Variants in HSPA4 observed in about 807,000 individuals in gnomAD.
HSPA4 encodes the protein heat shock protein family A (Hsp70) member 4.
A neutral mutation model predicts 106.2 loss-of-function variants in HSPA4; 25 were observed. That is an observed-to-expected ratio of 0.24 (90% CI 0.17 to 0.33). The LOEUF is 0.33. Among genes scored for constraint, HSPA4 ranks in the 10% least tolerant of loss-of-function variants. HSPA4 has a pLI of 1.00. For synonymous variants in HSPA4, 332 were observed against 333.6 expected, an observed-to-expected ratio of 1.00 and a Z score of 0.05; for missense variants, 841 against 996.0, an observed-to-expected ratio of 0.84 and a Z score of 2.10.
At chr5:133,085,767 G>A (rs906153445) in intron 7 of HSPA4, among the ~76,000 whole-genome samples, 8 of 151,986 alleles carry the variant, frequency 5.3e-5, no homozygotes, top group Non-Finnish European at 1.2e-4. Flanking sequence ...GGAGCACAGG[G>A]AGGGATGAAT....
intron 1 of HSPA4, chr5:133,052,766 G>T: frequency 6.1e-6 from 1 of 163,972 alleles, no homozygotes; most frequent in Non-Finnish European, 1.3e-5. Flanking sequence ...CACAGCAGGC[G>T]CTTAATAATA....
chr5:133,101,664 C>G, intron 16 of HSPA4, 95 bp from the exon 17 acceptor site: 1 of 1,155,296 alleles, frequency 8.7e-7, no homozygotes, highest in Admixed American at 2.2e-5. Context: ...ATATATAGCA[C>G]ACGGAGATTA....
chr5:133,103,171 C>G, intron 17 of HSPA4, among the ~76,000 whole-genome samples: 1 of 151,594 alleles, frequency 6.6e-6, no homozygotes, highest in East Asian at 1.9e-4. Flanking sequence ...AAGTGACTGT[C>G]CTGTCTCAGC....
intron 1 of HSPA4, among the ~76,000 whole-genome samples, chr5:133,053,704 G>C (rs1223571427): frequency 6.6e-6 from 1 of 151,178 alleles, no homozygotes; most frequent in Non-Finnish European, 1.5e-5. Context: ...TGTCGCCCCA[G>C]GCTGGAGTGC....
Position 133,089,571 on chromosome 5 carries a change from A to C in HSPA4, c.1254A>C (p.Glu418Asp), listed in dbSNP as rs1421689196. 1 of 1,613,062 alleles carries C rather than the reference A, an allele frequency of 6.2e-7. No individual in the cohort carries two copies. The highest frequency in any genetic ancestry group is 8.5e-7 in the Non-Finnish European group (1 of 1,179,540). ...SPAEEGSSDC[E>D]VFSKNHAAPF... ...TTTTTCCTCCATTCAGTGACTGTGA[A>C]GTCTTTTCCAAAAATCATGCTGCTC... The change falls in exon 11 of 19, where the codon GAA becomes GAC. Residue 418 changes from glutamate (E) to aspartate (D), a missense_variant. Around this residue, in one of 5 missense-constraint regions of HSPA4, gnomAD observed 162 missense variants for 177.7 expected, o/e 0.91. Transcript: ENST00000304858.
chr5:133,079,031 G>A (rs757813431), intron 7 of HSPA4, among the ~76,000 whole-genome samples: 3 of 152,130 alleles, frequency 2.0e-5, no homozygotes, highest in Non-Finnish European at 2.9e-5. Flanking sequence ...ACTGTGCCTG[G>A]CCCCCTTCAT....
chr5:133,098,138 A>C (rs1561586719), intron 15 of HSPA4, among the ~76,000 whole-genome samples: 1 of 152,000 alleles, frequency 6.6e-6, no homozygotes, highest in Non-Finnish European at 1.5e-5. Context: ...CTTAGCTCCT[A>C]CTTATAAGGG....
rs1156672246 is a variant in HSPA4 at position 133,053,343 on chromosome 5, T to TTTC, written c.107+988_107+989insCTT. Among the ~76,000 whole-genome samples, 44 of 149,220 alleles carry TTTC rather than the reference T, an allele frequency of 2.9e-4. 2 individuals are homozygous for TTTC. The highest frequency in any genetic ancestry group is 2.7e-3 in the Admixed American group (40 of 14,994). On this transcript the variant is annotated intron_variant, in intron 1 of 18. Transcript: ENST00000304858. ...GGTCTCTCTTCTTTTTTTTTTTTTT[T>TTTC]TTTTCTTTTTTGAGACAGACAGGGT... is the stretch of plus-strand genomic sequence containing the variant.
At position 133,097,223 on chromosome 5, in the gene HSPA4, G is replaced by A. The variant is rs780916180; in HGVS notation, c.1866G>A (p.Glu622=). Residue 622 remains glutamate, a synonymous_variant, in exon 15 of 19, where the codon GAG becomes GAA. Transcript: ENST00000304858. ...KERNDAKNAV[E]EYVYEMRDKL... is the part of the protein sequence containing the mutation. ...GGAATGATGCTAAGAACGCAGTGGA[G>A]GAATATGTGTATGAAATGAGAGACA... The A allele has an allele frequency of 5.6e-6, 9 of 1,612,288 alleles. No individual in the cohort carries two copies. The South Asian group carries it at 7.7e-5, about 14-fold the overall frequency.
At chr5:133,056,090 G>A (rs935821455) in intron 1 of HSPA4, among the ~76,000 whole-genome samples, 1 of 151,992 alleles carries the variant, frequency 6.6e-6, no homozygotes. Flanking sequence ...AATAAGTTGG[G>A]TAGAAGGTGC....
chr5:133,063,696 G>C (rs1310694942), intron 1 of HSPA4, among the ~76,000 whole-genome samples: 1 of 152,068 alleles, frequency 6.6e-6, no homozygotes, highest in Non-Finnish European at 1.5e-5. Context: ...GCCCCCCAAA[G>C]TGCTGGAATT....
intron 7 of HSPA4, among the ~76,000 whole-genome samples, chr5:133,085,599 G>C (rs546112076): frequency 6.6e-6 from 1 of 152,000 alleles, no homozygotes; most frequent in African/African-American, 2.4e-5. Flanking sequence ...GGTGGAGGTT[G>C]CAGTGAGCTG....
chr5:133,088,755 A>T (rs960248720), intron 9 of HSPA4, among the ~76,000 whole-genome samples, 200 bp downstream of exon 9: 9 of 152,242 alleles, frequency 5.9e-5, no homozygotes, highest in African/African-American at 9.6e-5. Context: ...TTGACTAGAA[A>T]CATAGGTAAC....
chr5:133,091,310 A>G lies in HSPA4; in HGVS notation c.1496A>G (p.Glu499Gly). 1 of 1,614,030 alleles carries G rather than the reference A, an allele frequency of 6.2e-7. No individual in the cohort carries two copies. Among genetic ancestry groups the G allele is most frequent in the Non-Finnish European group, 8.5e-7 (1 of 1,179,898 alleles). ...IFSVSSASLV[E>G]VHKSEENEEP... The stretch of plus-strand genomic sequence containing the variant: ...AGTGTGTCCAGTGCATCTTTAGTGG[A>G]GGTTCACAAGTCTGAGGAAAATGAG... Residue 499 changes from glutamate to glycine, a missense_variant, in exon 12 of 19, where the codon GAG becomes GGG. By Grantham distance (98) the Glu-to-Gly change is moderately conservative. This residue lies in a region of HSPA4 where 162 missense variants were observed against 177.7 expected (regional missense o/e 0.91). Transcript: ENST00000304858.
chr5:133,066,838 C>T (rs1033368927), intron 2 of HSPA4, among the ~76,000 whole-genome samples: 1 of 151,570 alleles, frequency 6.6e-6, no homozygotes, highest in Admixed American at 6.6e-5. Context: ...CCTCAGCCTC[C>T]TGAGTAGCTG....
chr5:133,079,726 G>C (rs769339518), intron 7 of HSPA4, among the ~76,000 whole-genome samples: 15 of 152,270 alleles, frequency 9.9e-5, no homozygotes, highest in Middle Eastern at 3.4e-3. Context: ...ATCCCCACCA[G>C]CGCCCTACTG....
rs199615338 is a variant in HSPA4 at position 133,052,395 on chromosome 5, A to G, written c.107+38A>G. 1,117 of 1,303,752 alleles carry G rather than the reference A, an allele frequency of 8.6e-4. 3 individuals carry two copies. The highest frequency in any genetic ancestry group is 3.8e-3 in the Admixed American group (168 of 44,360). The allele number at this position is 1,303,752 out of a possible 1,614,324, so 80.8% of individuals were successfully genotyped here. ...CGGGCCTGCCGCGTGCACTGGGGTT[A>G]GGAGATAATGCTTGTTCCAGTCTGG... On this transcript the variant is annotated intron_variant, in intron 1 of 18. Transcript: ENST00000304858.
chr5:133,078,310 C>T (rs983188203), intron 7 of HSPA4, among the ~76,000 whole-genome samples: 3 of 146,646 alleles, frequency 2.0e-5, no homozygotes, highest in African/African-American at 5.1e-5. Context: ...CCAGCCTGGG[C>T]GACAGTGAGA....
At chr5:133,055,928 A>G (rs1765154970) in intron 1 of HSPA4, among the ~76,000 whole-genome samples, 1 of 152,110 alleles carries the variant, frequency 6.6e-6, no homozygotes, top group Non-Finnish European at 1.5e-5. Flanking sequence ...AAATACAAAA[A>G]TTAGCTGGGT....
Sources: gnomAD v4.1 joint callset for allele counts (sites outside exome capture counted in the v4.1 genomes callset) on GRCh38, gnomAD v4.1.1 for gene constraint, gnomAD v4.1.1 regional missense constraint, MANE v1.5 for transcripts, NCBI Gene and HGNC (gene_info 2026-07-23, HGNC 2026-07-21) for gene names.